RELN: variants seen among roughly 807,000 people sequenced by gnomAD.
The protein encoded by RELN is reelin.
Under a neutral mutation model 427.6 loss-of-function variants are expected in RELN, and 108 were observed. That is an observed-to-expected ratio of 0.25 (90% CI 0.22 to 0.30). The LOEUF is 0.30. Among genes scored for constraint, RELN ranks in the 10% least tolerant of loss-of-function variants. The probability of loss-of-function intolerance (pLI) is 1.00; values close to 1 mark genes in which losing one functional copy is unlikely to be tolerated. For missense variants in RELN, 3,715 were observed against 4,302.8 expected (o/e 0.86, Z 3.82); for synonymous variants, 1,524 against 1,513.4 (o/e 1.01, Z -0.16).
chr7:103,663,245 C>T (rs1833184159), intron 11 of RELN, among the ~76,000 whole-genome samples: 1 of 152,118 alleles, frequency 6.6e-6, no homozygotes, highest in Non-Finnish European at 1.5e-5. Flanking sequence ...TCTTTACATG[C>T]CTTTCTTTAT....
chr7:103,761,943 C>T (rs1791310896), intron 4 of RELN, among the ~76,000 whole-genome samples: 2 of 152,030 alleles, frequency 1.3e-5, no homozygotes, highest in African/African-American at 4.8e-5. Context: ...TCACTAGGCT[C>T]AAAAGAGGAA....
In RELN at chr7:103,824,997, G is replaced by A. The variant is rs888120421; in HGVS notation, c.473+8540C>T. Among the ~76,000 whole-genome samples the A allele has an allele frequency of 2.0e-5, 3 of 151,902 alleles. No individual in the cohort carries two copies. The highest frequency in any genetic ancestry group is 7.3e-5 in the African/African-American group (3 of 41,360). On this transcript the variant is annotated intron_variant, in intron 3 of 64. Coordinates refer to ENST00000428762, the MANE Select transcript of RELN (RefSeq NM_005045.4). The surrounding 1 kb of genome is among the most constrained non-coding windows in gnomAD (Gnocchi z 4.4). ...TTGCTTCAAATAATAGGTGGTTCTA[G>A]GAGAGTAAAGGAACTTAGTAGGCTG...
chr7:103,865,360 T>C (rs2116507481), intron 2 of RELN, among the ~76,000 whole-genome samples: 1 of 147,928 alleles, frequency 6.8e-6, no homozygotes, highest in Non-Finnish European at 1.5e-5. Context: ...TCTTAAATTC[T>C]TGCAATAAAT....
chr7:103,498,252 T>C lies in RELN; in HGVS notation c.8668A>G (p.Thr2890Ala), dbSNP rs777655123. 8 of 1,613,544 alleles carry C rather than the reference T, an allele frequency of 5.0e-6. No homozygotes were observed. The Admixed American group carries it at 5.0e-5, about 10-fold the overall frequency. Reference protein sequence around the residue: ...PNCYLTHTLKTFLKERFDSEE... With the variant: ...PNCYLTHTLKAFLKERFDSEE... The stretch of plus-strand genomic sequence containing the variant: ...CTGTCAAAGCGTTCCTTCAGGAAAG[T>C]CTGGAAATAAAATAAGCCAGATGTG... Residue 2890 changes from threonine to alanine, a missense_variant and splice_region_variant, in exon 54 of 65, where the codon ACT becomes GCT. By Grantham distance (58) the Thr-to-Ala change is moderately conservative. Transcript: ENST00000428762.
intron 3 of RELN, among the ~76,000 whole-genome samples, chr7:103,826,354 G>T (rs1484478615): frequency 1.4e-5 from 2 of 147,114 alleles, no homozygotes; most frequent in African/African-American, 4.9e-5. Context: ...GTGTGTGTGT[G>T]TGTGTATACA....
chr7:103,657,644 C>A (rs1833049791), intron 12 of RELN, among the ~76,000 whole-genome samples: 1 of 151,992 alleles, frequency 6.6e-6, no homozygotes, highest in African/African-American at 2.4e-5. Context: ...ACACCCAGCC[C>A]AGAATGGCAG....
At chr7:103,474,389 CAAA>C (rs1321991553) in intron 64 of RELN, among the ~76,000 whole-genome samples, 1 of 151,966 alleles carries the variant, frequency 6.6e-6, no homozygotes, top group Non-Finnish European at 1.5e-5. Context: ...AAAATGGAAA[CAAA>C]GAATATATCC....
At position 103,626,245 on chromosome 7, in the gene RELN, T is replaced by C. The variant is rs1370400327; in HGVS notation, c.2702+3695A>G. On this transcript the variant is annotated intron_variant, in intron 20 of 64. Coordinates refer to ENST00000428762, the MANE Select transcript of RELN (RefSeq NM_005045.4). The surrounding 1 kb of genome is among the most constrained non-coding windows in gnomAD (Gnocchi z 4.4). ...AGCTTCTAAGTGGCAGTGTGAGAAT[T>C]TGAAATCAGGCCTACGACCTCAAAG... Among the ~76,000 whole-genome samples the C allele has an allele frequency of 1.3e-5, 2 of 152,130 alleles. No homozygotes were observed. Among genetic ancestry groups the C allele is most frequent in the Admixed American group, 6.5e-5 (1 of 15,278 alleles).
chr7:103,886,239 A>G (rs1178402416), intron 2 of RELN, among the ~76,000 whole-genome samples: 1 of 152,232 alleles, frequency 6.6e-6, no homozygotes, highest in African/African-American at 2.4e-5. Flanking sequence ...TCTCTTTGGT[A>G]TACATGAGTT....
At chr7:103,873,756 C>T (rs1794409142) in intron 2 of RELN, among the ~76,000 whole-genome samples, 2 of 142,398 alleles carry the variant, frequency 1.4e-5, no homozygotes, top group African/African-American at 5.1e-5. Context: ...GATGGATTCA[C>T]AGCCGAATTC....
At chr7:103,952,743 G>A (rs1212482766) in intron 1 of RELN, among the ~76,000 whole-genome samples, 1 of 152,126 alleles carries the variant, frequency 6.6e-6, no homozygotes, top group African/African-American at 2.4e-5. Flanking sequence ...CAAAGTAGCT[G>A]TTTATATTCA....
intron 20 of RELN, among the ~76,000 whole-genome samples, chr7:103,623,035 C>G (rs1285221379): frequency 1.3e-5 from 2 of 152,168 alleles, no homozygotes; most frequent in African/African-American, 4.8e-5. Flanking sequence ...TAAATAGGCT[C>G]TAGCTTAGAA....
chr7:103,959,677 C>G (rs1796506852), intron 1 of RELN, among the ~76,000 whole-genome samples: 2 of 152,216 alleles, frequency 1.3e-5, no homozygotes, highest in East Asian at 3.9e-4. Context: ...GTAGTGTGAT[C>G]ACGGCTCACT....
At chr7:103,839,322 T>TTTTTA (rs56384502) in intron 2 of RELN, among the ~76,000 whole-genome samples, 4 of 150,190 alleles carry the variant, frequency 2.7e-5, no homozygotes, top group East Asian at 3.9e-4. Flanking sequence ...TTTTTTTTTT[T>TTTTTA]AACATAGAAC....
chr7:103,753,121 G>T, intron 5 of RELN, 61 bp downstream of exon 5: 2 of 1,560,948 alleles, frequency 1.3e-6, no homozygotes, highest in Non-Finnish European at 1.8e-6. Flanking sequence ...CGTATAGCCA[G>T]AAAAGCCAAA....
chr7:103,970,167 G>T (rs1178096860), intron 1 of RELN, among the ~76,000 whole-genome samples: 2 of 149,830 alleles, frequency 1.3e-5, no homozygotes, highest in Non-Finnish European at 3.0e-5. Flanking sequence ...TTTAGAGATG[G>T]AGTCTGGCTC....
chr7:103,897,857 G>A (rs1481775597), intron 2 of RELN, among the ~76,000 whole-genome samples: 2 of 152,002 alleles, frequency 1.3e-5, no homozygotes, highest in Non-Finnish European at 2.9e-5. Context: ...CTGAAAACTG[G>A]CAAATTTATG....
intron 1 of RELN, among the ~76,000 whole-genome samples, chr7:103,937,996 A>G (rs1258201753): frequency 2.0e-5 from 3 of 152,178 alleles, no homozygotes; most frequent in Non-Finnish European, 4.4e-5. Flanking sequence ...TTAAAATTCA[A>G]CTGCCTTCAT....
At chr7:103,657,635 C>T (rs1833049441) in intron 12 of RELN, among the ~76,000 whole-genome samples, 1 of 152,114 alleles carries the variant, frequency 6.6e-6, no homozygotes, top group Admixed American at 6.6e-5. Flanking sequence ...GTGAGAGCCA[C>T]ACCCAGCCCA....
Sources: allele counts gnomAD v4.1 joint callset (sites outside exome capture counted in the v4.1 genomes callset), GRCh38; gene constraint gnomAD v4.1.1; non-coding constraint Gnocchi (gnomAD v3.1); transcripts MANE v1.5; gene names NCBI Gene and HGNC (gene_info 2026-07-23, HGNC 2026-07-21).